Variants in NRCAM observed in about 807,000 individuals in gnomAD.
NRCAM encodes the protein neuronal cell adhesion molecule, also known as NgCAM-related cell adhesion molecule.
NRCAM carries 83 observed loss-of-function variants against 156.5 expected under a neutral mutation model. That is an observed-to-expected ratio of 0.53 (90% CI 0.44 to 0.64). The LOEUF (loss-of-function observed/expected upper bound fraction) is 0.64. Among genes scored for constraint, NRCAM ranks in the 30% least tolerant of loss-of-function variants. The pLI is 0.00. For synonymous variants in NRCAM, 538 were observed against 563.9 expected (o/e 0.95, Z 0.65); for missense variants, 1,417 against 1,597.3 (o/e 0.89, Z 1.92).
chr7:108,291,609 AGACAGTGATCAATGTTTCTTTT>A (rs1237555493), intron 3 of NRCAM, among the ~76,000 whole-genome samples: 1 of 152,202 alleles, frequency 6.6e-6, no homozygotes, highest in African/African-American at 2.4e-5. Flanking sequence ...ATCTAAATGA[AGACAGTGATCAATGTTTCTTTT>A]GACCGTGCCT....
chr7:108,241,008 T>C (rs1321494896), intron 3 of NRCAM, among the ~76,000 whole-genome samples: 1 of 152,138 alleles, frequency 6.6e-6, no homozygotes, highest in African/African-American at 2.4e-5. Context: ...TCATTTGCCT[T>C]TATCCACCAT....
chr7:108,161,743 A>G (rs2151443965), intron 30 of NRCAM, among the ~76,000 whole-genome samples: 1 of 152,142 alleles, frequency 6.6e-6, no homozygotes, highest in African/African-American at 2.4e-5. Flanking sequence ...TTTAGGGAGA[A>G]AAAGGAAATG....
intron 1 of NRCAM, among the ~76,000 whole-genome samples, chr7:108,435,873 C>T (rs1831413784): frequency 6.6e-6 from 1 of 152,244 alleles, no homozygotes; most frequent in African/African-American, 2.4e-5. Context: ...TGGCTTACGC[C>T]TGTAATCCCA....
chr7:108,249,432 A>T (rs1406651830), intron 3 of NRCAM, among the ~76,000 whole-genome samples: 2 of 152,260 alleles, frequency 1.3e-5, no homozygotes, highest in Non-Finnish European at 2.9e-5. Context: ...TTAACAGCAA[A>T]ACAGCAGAGT....
In NRCAM at chr7:108,219,226, CA is replaced by C. The variant is rs370690681; in HGVS notation, c.890+4498del. Among the ~76,000 whole-genome samples, 1,180 of 151,290 alleles carry C rather than the reference CA, an allele frequency of 7.8e-3. 11 individuals carry two copies. Among genetic ancestry groups the C allele is most frequent in the African/African-American group, 0.025 (1,028 of 41,298 alleles). ...ATCAAAATAGTAATTAAAAAATTAC[CA>C]AAAAAAAGTCCATGACCACATGGAT... On this transcript the variant is annotated intron_variant, in intron 11 of 32. Transcript: ENST00000379028.
intron 2 of NRCAM, among the ~76,000 whole-genome samples, chr7:108,365,125 T>C (rs946050416): frequency 6.6e-6 from 1 of 152,194 alleles, no homozygotes; most frequent in Non-Finnish European, 1.5e-5. Context: ...ACTGACCTGA[T>C]AATTTAGCAT....
At chr7:108,325,567 T>C (rs2154222159) in intron 2 of NRCAM, among the ~76,000 whole-genome samples, 1 of 152,232 alleles carries the variant, frequency 6.6e-6, no homozygotes, top group South Asian at 2.1e-4. Context: ...TTGGCTGCCT[T>C]GTCCAAAAAG....
chr7:108,412,780 AAAGT>A (rs1797024222), intron 1 of NRCAM, among the ~76,000 whole-genome samples: 2 of 152,132 alleles, frequency 1.3e-5, no homozygotes, highest in South Asian at 4.1e-4. Flanking sequence ...ATTCTACATG[AAAGT>A]AAGATCATGT....
chr7:108,270,925 G>A (rs1287891914), intron 3 of NRCAM, among the ~76,000 whole-genome samples: 2 of 152,180 alleles, frequency 1.3e-5, no homozygotes, highest in Non-Finnish European at 2.9e-5. Context: ...CTGGGGAAGA[G>A]GAAAAGTTCT....
chr7:108,191,247 A>G lies in NRCAM; in HGVS notation c.1933+7T>C. ...AAAACAGAGAAAGAAGACTCATATT[A>G]GTTTACCGTAAACGGGAGCTGGAGT... On this transcript the variant is annotated splice_region_variant and intron_variant, in intron 19 of 32. Transcript: ENST00000379028. The G allele has an allele frequency of 1.2e-6, 2 of 1,602,560 alleles. No individual in the cohort carries two copies. The highest frequency in any genetic ancestry group is 1.7e-6 in the Non-Finnish European group (2 of 1,173,082).
chr7:108,262,783 C>A (rs2096933261), intron 3 of NRCAM, among the ~76,000 whole-genome samples: 1 of 152,216 alleles, frequency 6.6e-6, no homozygotes, highest in Non-Finnish European at 1.5e-5. Context: ...TTTTGACTCT[C>A]AGTGTAAAAA....
rs769565910 is a variant in NRCAM at position 108,182,007 on chromosome 7, C to T, written c.2531-70G>A. 15 of 1,220,590 alleles carry T rather than the reference C, an allele frequency of 1.2e-5. No homozygotes were observed. In the South Asian group the frequency reaches 1.8e-4, roughly 15 times the overall value. The allele number at this position is 1,220,590 out of a possible 1,614,324, so 75.6% of individuals were successfully genotyped here. A position where few individuals can be genotyped will look rare whatever the true frequency, so the allele number is the denominator to read the frequency against. On this transcript the variant is annotated intron_variant, in intron 23 of 32. Transcript: ENST00000379028. ...TAATTTCATCCATAAATATGACTCT[C>T]TCTAATAATTTTGGCTTGAAGCATA...
chr7:108,331,350 G>A (rs1342150930), intron 2 of NRCAM, among the ~76,000 whole-genome samples: 1 of 152,002 alleles, frequency 6.6e-6, no homozygotes, highest in African/African-American at 2.4e-5. Context: ...GCAGTGAACT[G>A]TGACTGCACC....
chr7:108,363,458 C>T (rs75890325), intron 2 of NRCAM, among the ~76,000 whole-genome samples: 1,536 of 152,168 alleles, frequency 0.01, 29 homozygotes, highest in African/African-American at 0.033. Context: ...CCAAATTTTT[C>T]GCCATGTTGC....
chr7:108,253,990 C>T (rs1024226138), intron 3 of NRCAM, among the ~76,000 whole-genome samples: 2 of 152,184 alleles, frequency 1.3e-5, no homozygotes, highest in Non-Finnish European at 2.9e-5. Context: ...CTGGCTGTGG[C>T]GTCCAGGCGA....
chr7:108,319,272 TTC>T (rs1342755284), intron 2 of NRCAM, among the ~76,000 whole-genome samples: 2 of 152,376 alleles, frequency 1.3e-5, no homozygotes, highest in Non-Finnish European at 2.9e-5. Context: ...CATTAATACT[TTC>T]TGTGTCCTTG....
rs531663130 is a variant in NRCAM at position 108,397,055 on chromosome 7, C to T, written c.-174+2381G>A. On this transcript the variant is annotated intron_variant, in intron 2 of 32. Transcript: ENST00000379028. ...TGAACTGATTTACTTAATTCAATTC[C>T]CTATTTTAAGACATATAGATAACTT... is the stretch of plus-strand genomic sequence containing the variant. Among the ~76,000 whole-genome samples, 4 of 152,054 alleles carry T rather than the reference C, an allele frequency of 2.6e-5. No homozygotes were observed. In the South Asian group the frequency reaches 8.3e-4, roughly 32 times the overall value.
chr7:108,157,205 A>T (rs1242385716), intron 32 of NRCAM, among the ~76,000 whole-genome samples: 1 of 152,152 alleles, frequency 6.6e-6, no homozygotes, highest in Non-Finnish European at 1.5e-5. Context: ...CAAATGTACA[A>T]GTGTTTTTGT....
intron 28 of NRCAM, 139 bp from the exon 29 acceptor site, chr7:108,168,541 G>T: frequency 1.4e-6 from 1 of 739,334 alleles, no homozygotes; most frequent in Non-Finnish European, 1.9e-6. Flanking sequence ...GTTCACTCAT[G>T]CTTTGCTTTC....
Sources: gnomAD v4.1 joint callset for allele counts (sites outside exome capture counted in the v4.1 genomes callset) on GRCh38, gnomAD v4.1.1 for gene constraint, MANE v1.5 for transcripts, NCBI Gene and HGNC (gene_info 2026-07-23, HGNC 2026-07-21) for gene names.